The following CHD6 variants were observed in gnomAD, a reference collection of about 807,000 sequenced individuals.
CHD6 encodes ATP-dependent chromatin remodeler CHD6.
A neutral mutation model predicts 276.9 loss-of-function variants in CHD6; 50 were observed. The ratio of observed to expected loss-of-function variants is 0.18; its 90% confidence interval spans 0.14 to 0.23. CHD6 has a LOEUF of 0.23. Ranked by LOEUF, CHD6 falls within the 10% of genes least tolerant of loss-of-function variation. CHD6 has a pLI of 1.00. For synonymous variants in CHD6, 1,173 were observed against 1,229.3 expected (o/e 0.95, Z 0.96); for missense variants, 2,564 against 3,365.8 (o/e 0.76, Z 5.89).
At chr20:41,602,774 T>C (rs1476788095) in intron 1 of CHD6, among the ~76,000 whole-genome samples, 2 of 152,196 alleles carry the variant, frequency 1.3e-5, no homozygotes, top group Non-Finnish European at 2.9e-5. Context: ...TGCAGTGGCA[T>C]GATCATGGGC....
Position 41,415,610 on chromosome 20 carries a change from T to G in CHD6, c.6515A>C (p.Lys2172Thr), listed in dbSNP as rs2046972144. The change falls in exon 34 of 37, where the codon AAG becomes ACG. Residue 2172 changes from lysine (K) to threonine (T), a missense_variant. Lys to Thr is a moderately conservative substitution (Grantham distance 78). Coordinates refer to ENST00000373233, the MANE Select transcript of CHD6 (RefSeq NM_032221.5). Reference protein sequence around the residue: ...KESFLAPVFTKDEQKHRRPYE... With the variant: ...KESFLAPVFTTDEQKHRRPYE... The stretch of plus-strand genomic sequence containing the variant: ...GGGACGCCTGTGCTTTTGTTCATCC[T>G]TTGTGAATACTGGAGCTAAGAAGCT... 1 of 1,604,236 alleles carries G rather than the reference T, an allele frequency of 6.2e-7. No homozygotes were observed. The highest frequency in any genetic ancestry group is 8.5e-7 in the Non-Finnish European group (1 of 1,176,164).
intron 1 of CHD6, among the ~76,000 whole-genome samples, chr20:41,575,484 A>C (rs1420494162): frequency 6.6e-6 from 1 of 152,182 alleles, no homozygotes; most frequent in Non-Finnish European, 1.5e-5. Context: ...ATAAATACCA[A>C]GTGAATACCA....
chr20:41,555,480 G>T (rs1367238522), intron 1 of CHD6, among the ~76,000 whole-genome samples: 2 of 151,542 alleles, frequency 1.3e-5, no homozygotes, highest in Admixed American at 6.5e-5. Context: ...CAGACAGGGC[G>T]GCTGCCGGGC....
In CHD6 at chr20:41,450,458, G is replaced by GTT. The variant is rs879440051; in HGVS notation, c.3683+486_3683+487dup. ...TGAACAAAGTTTTGTTTTTCAATCA[G>GTT]TTTTTTTTTTTTTTGCTGTCTCCAT... is the stretch of plus-strand genomic sequence containing the variant. On this transcript the variant is annotated intron_variant, in intron 23 of 36. Coordinates refer to ENST00000373233, the MANE Select transcript of CHD6 (RefSeq NM_032221.5). 2.9e-3 allele frequency among the ~76,000 whole-genome samples: 420 copies of GTT among 142,572 alleles called. 2 individuals are homozygous for GTT. The highest frequency in any genetic ancestry group is 0.026 in the Middle Eastern group (7 of 272). The allele number at this position is 142,572 out of a possible 152,430, so 93.5% of individuals were successfully genotyped here.
At chr20:41,462,267 A>G (rs2042819788) in intron 17 of CHD6, among the ~76,000 whole-genome samples, 1 of 152,118 alleles carries the variant, frequency 6.6e-6, no homozygotes, top group Admixed American at 6.5e-5. Context: ...ATGTTGAAAA[A>G]CTCAATTTTC....
In CHD6 at chr20:41,420,693, G is replaced by A; in HGVS notation, c.5942C>T (p.Pro1981Leu). The change falls in exon 31 of 37, where the codon CCC (proline) becomes CTC (leucine). Residue 1981 changes from proline to leucine, a missense_variant. Pro to Leu is a moderately conservative substitution (Grantham distance 98). Around this residue, in one of 7 missense-constraint regions of CHD6, gnomAD observed 1,024 missense variants for 1,047.9 expected, o/e 0.98. Transcript: ENST00000373233. The part of the protein sequence containing the change: ...KTNTIAMEGE[P>L]TAIPSQPFKV... ...AAACGGCTGTGATGGAATAGCAGTG[G>A]GTTCACCCTCCATGGCGATAGTATT... 3.1e-6 allele frequency: 5 copies of A among 1,614,188 alleles called. No homozygotes were observed. Among genetic ancestry groups the A allele is most frequent in the East Asian group, 2.2e-5 (1 of 44,894 alleles).
At chr20:41,561,474 T>A (rs2045300658) in intron 1 of CHD6, among the ~76,000 whole-genome samples, 2 of 152,188 alleles carry the variant, frequency 1.3e-5, no homozygotes, top group South Asian at 4.1e-4. Flanking sequence ...GGTAGAGTCC[T>A]CCATCAGGAG....
intron 1 of CHD6, among the ~76,000 whole-genome samples, chr20:41,560,417 TTCAGA>T (rs1254163821): frequency 6.6e-5 from 10 of 152,218 alleles, no homozygotes; most frequent in Non-Finnish European, 8.8e-5. Flanking sequence ...TCCTTCAAAA[TTCAGA>T]TCTGGTGTCA....
At chr20:41,604,830 G>A (rs189631833) in intron 1 of CHD6, among the ~76,000 whole-genome samples, 313 of 152,110 alleles carry the variant, frequency 2.1e-3, no homozygotes, top group Non-Finnish European at 3.6e-3. Flanking sequence ...TGGAATCCTC[G>A]GACTACCAGG....
intron 14 of CHD6, among the ~76,000 whole-genome samples, chr20:41,486,890 C>T (rs1259008586): frequency 6.6e-6 from 1 of 152,054 alleles, no homozygotes; most frequent in Non-Finnish European, 1.5e-5. Context: ...CTTCTCTCCA[C>T]ACCTGTTAAA....
intron 2 of CHD6, among the ~76,000 whole-genome samples, chr20:41,538,286 G>C (rs904049375): frequency 3.3e-5 from 5 of 152,120 alleles, no homozygotes; most frequent in African/African-American, 1.2e-4. Flanking sequence ...GGGAGGCGGA[G>C]GTTGCAGTGA....
intron 8 of CHD6, 28 bp downstream of exon 8, chr20:41,497,356 T>G: frequency 7.3e-7 from 1 of 1,364,654 alleles, no homozygotes; most frequent in Non-Finnish European, 1.1e-6. Flanking sequence ...AAAGCAGCAG[T>G]CAAATGAGTC....
intron 28 of CHD6, among the ~76,000 whole-genome samples, chr20:41,425,728 G>A (rs755988023): frequency 2.6e-5 from 4 of 151,154 alleles, no homozygotes; most frequent in Non-Finnish European, 5.9e-5. Flanking sequence ...CTCCTCTCAC[G>A]TCTGAATTCA....
At chr20:41,413,146 GA>G (rs1261218579) in intron 35 of CHD6, among the ~76,000 whole-genome samples, 177 bp downstream of exon 35, 1 of 152,146 alleles carries the variant, frequency 6.6e-6, no homozygotes, top group Non-Finnish European at 1.5e-5. Context: ...TATTACTGAA[GA>G]ATTTAATCAA....
intron 30 of CHD6, 95 bp downstream of exon 30, chr20:41,423,397 T>C (rs2047258652): frequency 2.6e-6 from 3 of 1,169,146 alleles, no homozygotes; most frequent in Non-Finnish European, 2.5e-6. Context: ...ATGTAGACTC[T>C]AGTTTTTATA....
At chr20:41,553,707 C>T (rs2045179941) in intron 1 of CHD6, among the ~76,000 whole-genome samples, 1 of 152,188 alleles carries the variant, frequency 6.6e-6, no homozygotes, top group African/African-American at 2.4e-5. Context: ...GATTGCGTAC[C>T]CTTTCTGCAG....
At chr20:41,446,234 G>A (rs1011551444) in intron 24 of CHD6, among the ~76,000 whole-genome samples, 4 of 152,064 alleles carry the variant, frequency 2.6e-5, no homozygotes, top group Non-Finnish European at 4.4e-5. Context: ...GAGATCTTAC[G>A]CACCATTTAA....
At chr20:41,617,405 C>T (rs2045943536) in intron 1 of CHD6, among the ~76,000 whole-genome samples, 1 of 152,078 alleles carries the variant, frequency 6.6e-6, no homozygotes, top group South Asian at 2.1e-4. Context: ...CCTGCTTATG[C>T]ATTTTTAATT....
At chr20:41,455,770 C>T in intron 19 of CHD6, 30 bp downstream of exon 19, 1 of 1,410,070 alleles carries the variant, frequency 7.1e-7, no homozygotes, top group Non-Finnish European at 9.4e-7. Flanking sequence ...CTCTCCCACC[C>T]CCAACAGCTC....
Sources: allele counts gnomAD v4.1 joint callset (sites outside exome capture counted in the v4.1 genomes callset), GRCh38; gene constraint gnomAD v4.1.1; regional missense constraint gnomAD v4.1.1; transcripts MANE v1.5; gene names NCBI Gene and HGNC (gene_info 2026-07-23, HGNC 2026-07-21).